FRMPD4: variants seen among roughly 807,000 people sequenced by gnomAD.
FRMPD4 encodes the protein FERM and PDZ domain containing 4.
In FRMPD4, 22 loss-of-function variants were observed where a neutral mutation model predicts 94.1. That is an observed-to-expected ratio of 0.23 (90% CI 0.17 to 0.33). FRMPD4 has a LOEUF of 0.33. Among genes scored for constraint, FRMPD4 ranks in the 10% least tolerant of loss-of-function variants. The probability of loss-of-function intolerance (pLI) is 1.00; values close to 1 mark genes in which losing one functional copy is unlikely to be tolerated. For synonymous variants in FRMPD4, 631 were observed against 548.6 expected, an observed-to-expected ratio of 1.15 and a Z score of -2.10; for missense variants, 1,111 against 1,339.9, an observed-to-expected ratio of 0.83 and a Z score of 2.67.
intron 4 of FRMPD4, among the ~76,000 whole-genome samples, chrX:12,621,944 G>GAA (rs1202894164): frequency 3.4e-5 from 3 of 89,367 alleles, no homozygotes; most frequent in African/African-American, 1.3e-4. Flanking sequence ...AAGAAAGAAA[G>GAA]AGAGAGAGAG....
intron 4 of FRMPD4, among the ~76,000 whole-genome samples, chrX:12,643,053 G>A (rs2059514376): frequency 8.9e-6 from 1 of 111,764 alleles, no homozygotes; most frequent in African/African-American, 3.3e-5. Context: ...GCTGACTCCT[G>A]GTCTACACCA....
chrX:12,352,718 A>T (rs939442789), intron 1 of FRMPD4, among the ~76,000 whole-genome samples: 1 of 112,419 alleles, frequency 8.9e-6, no homozygotes, highest in African/African-American at 3.2e-5. Context: ...CAAAGAGAAT[A>T]GTTTGGCAAC....
At chrX:12,190,913 T>C (rs1025228229) in intron 1 of FRMPD4, among the ~76,000 whole-genome samples, 32 of 111,726 alleles carry the variant, frequency 2.9e-4, no homozygotes, top group African/African-American at 1.0e-3. Context: ...CTGGATTTCA[T>C]TGAAATTAAA....
chrX:12,461,854 C>T (rs749793753), intron 1 of FRMPD4, among the ~76,000 whole-genome samples: 1 of 111,457 alleles, frequency 9.0e-6, no homozygotes, highest in African/African-American at 3.3e-5. Context: ...GCACAGGAGC[C>T]ATGTCTGTTT....
At chrX:12,473,218 T>G (rs1281522213) in intron 1 of FRMPD4, among the ~76,000 whole-genome samples, 2 of 109,460 alleles carry the variant, frequency 1.8e-5, no homozygotes, top group Non-Finnish European at 3.8e-5. Flanking sequence ...AAGCTAACCT[T>G]CATAAGTGAA....
chrX:12,095,858 A>G (rs1196276624), intron 3 of FRMPD4, among the ~76,000 whole-genome samples: 1 of 112,258 alleles, frequency 8.9e-6, no homozygotes, highest in Non-Finnish European at 1.9e-5. Context: ...TGGATTATCC[A>G]TTCTCAGACC....
At chrX:12,360,055 C>A (rs932177039) in intron 1 of FRMPD4, among the ~76,000 whole-genome samples, 3 of 112,184 alleles carry the variant, frequency 2.7e-5, no homozygotes, top group African/African-American at 9.7e-5. Flanking sequence ...TAATAGCATT[C>A]TTTGATTGTT....
At chrX:12,217,563 A>T (rs773077402) in intron 1 of FRMPD4, among the ~76,000 whole-genome samples, 1 of 112,061 alleles carries the variant, frequency 8.9e-6, no homozygotes, top group South Asian at 3.7e-4. Context: ...TGATACTCTT[A>T]ATTGGCAAAC....
chrX:12,702,184 C>A (rs2041798201), intron 10 of FRMPD4, among the ~76,000 whole-genome samples, 174 bp downstream of exon 10: 1 of 112,708 alleles, frequency 8.9e-6, no homozygotes, highest in South Asian at 3.7e-4. Flanking sequence ...CATTTCTAAT[C>A]CACCTTTAGA....
At chrX:11,979,506 C>A (rs1008159051) in intron 3 of FRMPD4, among the ~76,000 whole-genome samples, 1 of 112,091 alleles carries the variant, frequency 8.9e-6, no homozygotes, top group Non-Finnish European at 1.9e-5. Flanking sequence ...TGGGATGAAA[C>A]TTTCATCACT....
intron 3 of FRMPD4, among the ~76,000 whole-genome samples, chrX:12,009,050 AG>A (rs1162517553): frequency 1.8e-5 from 2 of 111,696 alleles, no homozygotes; most frequent in Admixed American, 1.9e-4. Flanking sequence ...AACACCTCCT[AG>A]AGGCTTAAAA....
At chrX:12,626,012 C>T (rs1033944375) in intron 4 of FRMPD4, among the ~76,000 whole-genome samples, 3 of 111,431 alleles carry the variant, frequency 2.7e-5, no homozygotes, top group African/African-American at 9.8e-5. Flanking sequence ...ATACAGGGAG[C>T]GTATGGATTT....
intron 1 of FRMPD4, among the ~76,000 whole-genome samples, chrX:12,219,767 G>A (rs1403686619): frequency 1.8e-5 from 2 of 111,863 alleles, no homozygotes; most frequent in African/African-American, 6.5e-5. Flanking sequence ...CTTGGTACCA[G>A]GCCCTCTATT....
intron 3 of FRMPD4, among the ~76,000 whole-genome samples, chrX:12,031,869 T>C (rs1470560679): frequency 1.8e-5 from 2 of 111,848 alleles, no homozygotes; most frequent in Non-Finnish European, 3.8e-5. Flanking sequence ...AAGGGATACC[T>C]GTGGTCTGGA....
intron 1 of FRMPD4, among the ~76,000 whole-genome samples, chrX:12,315,342 A>G (rs985595096): frequency 8.9e-6 from 1 of 112,467 alleles, no homozygotes; most frequent in African/African-American, 3.2e-5. Context: ...TATTGGGTTA[A>G]TCTTCCATTT....
chrX:12,443,309 C>T (rs2057159289), intron 1 of FRMPD4, among the ~76,000 whole-genome samples: 1 of 111,956 alleles, frequency 8.9e-6, no homozygotes. Flanking sequence ...TATAAATTTC[C>T]TACTAGACAC....
At chrX:12,263,335 A>T (rs773925072) in intron 1 of FRMPD4, among the ~76,000 whole-genome samples, 1 of 111,726 alleles carries the variant, frequency 9.0e-6, no homozygotes, top group East Asian at 2.8e-4. Context: ...TATGCCTGAC[A>T]TGCAAGAGCA....
At chrX:12,543,321 A>C (rs1323112291) in intron 2 of FRMPD4, among the ~76,000 whole-genome samples, 6 of 111,886 alleles carry the variant, frequency 5.4e-5, no homozygotes, top group African/African-American at 1.6e-4. Context: ...AATGGGAGAA[A>C]ATTTTTGCAG....
At chrX:11,856,783 G>T (rs1368298511) in intron 1 of FRMPD4, among the ~76,000 whole-genome samples, 1 of 111,953 alleles carries the variant, frequency 8.9e-6, no homozygotes, top group Non-Finnish European at 1.9e-5. Context: ...GTTTGCAGAT[G>T]ATGTAATTCT....
Sources: gnomAD v4.1 joint callset for allele counts (sites outside exome capture counted in the v4.1 genomes callset) on GRCh38, gnomAD v4.1.1 for gene constraint, MANE v1.5 for transcripts, NCBI Gene and HGNC (gene_info 2026-07-23, HGNC 2026-07-21) for gene names.